Variants in MAST4 observed in about 807,000 individuals in gnomAD.
MAST4 encodes the protein microtubule-associated serine/threonine-protein kinase 4.
Under a neutral mutation model 162.7 loss-of-function variants are expected in MAST4, and 89 were observed. The observed-to-expected ratio is 0.55, with a 90% CI of 0.46 to 0.65. The LOEUF is 0.65. Ranked by LOEUF, MAST4 falls within the 30% of genes least tolerant of loss-of-function variation. The pLI is 0.00. For synonymous variants in MAST4, 1,479 were observed against 1,361.1 expected, an observed-to-expected ratio of 1.09 and a Z score of -1.91; for missense variants, 3,153 against 3,374.0, an observed-to-expected ratio of 0.93 and a Z score of 1.62.
chr5:66,947,328 T>C (rs1032331724), intron 4 of MAST4, among the ~76,000 whole-genome samples: 6 of 152,086 alleles, frequency 3.9e-5, no homozygotes, highest in African/African-American at 1.2e-4. Flanking sequence ...AATAAAGGAA[T>C]ATGGTTTGTT....
At chr5:66,854,888 C>G (rs1759562493) in intron 3 of MAST4, among the ~76,000 whole-genome samples, 4 of 152,054 alleles carry the variant, frequency 2.6e-5, no homozygotes, top group Admixed American at 6.5e-5. Context: ...TTCCTCAGTG[C>G]TCTGGTATAT....
chr5:67,042,369 C>T (rs993804224), intron 4 of MAST4, among the ~76,000 whole-genome samples: 3 of 152,236 alleles, frequency 2.0e-5, no homozygotes, highest in African/African-American at 7.2e-5. Flanking sequence ...GGTAATTCCC[C>T]AGTCCTCCTG....
chr5:66,723,379 G>T (rs1751333458), intron 1 of MAST4, among the ~76,000 whole-genome samples: 1 of 152,080 alleles, frequency 6.6e-6, no homozygotes, highest in Non-Finnish European at 1.5e-5. Flanking sequence ...TAAATGTCAT[G>T]AGAAATAGCC....
intron 3 of MAST4, among the ~76,000 whole-genome samples, chr5:66,849,403 G>C (rs1266665031): frequency 6.6e-6 from 1 of 152,008 alleles, no homozygotes; most frequent in East Asian, 1.9e-4. Context: ...CCCTCCTCCT[G>C]TCTATTCTCC....
chr5:66,667,741 C>A (rs1361209911), intron 1 of MAST4, among the ~76,000 whole-genome samples: 2 of 152,290 alleles, frequency 1.3e-5, no homozygotes, highest in Admixed American at 1.3e-4. Flanking sequence ...ATACGTTAGT[C>A]TATGGAATGT....
intron 4 of MAST4, chr5:66,986,380 T>C: frequency 8.6e-7 from 1 of 1,162,284 alleles, no homozygotes; most frequent in Non-Finnish European, 1.2e-6. Flanking sequence ...TTGCTCTTTA[T>C]TTTAGAAAGA....
intron 3 of MAST4, among the ~76,000 whole-genome samples, chr5:66,879,001 C>T (rs1040952482): frequency 7.9e-5 from 12 of 152,180 alleles, no homozygotes; most frequent in Admixed American, 1.3e-4. Flanking sequence ...TACAATGGGC[C>T]GGGCGTGGTG....
intron 1 of MAST4, among the ~76,000 whole-genome samples, chr5:66,739,355 C>A (rs916608212): frequency 3.3e-5 from 5 of 152,116 alleles, no homozygotes; most frequent in Non-Finnish European, 7.3e-5. Flanking sequence ...CTCTGTATTT[C>A]CTGGGGCAGG....
intron 4 of MAST4, among the ~76,000 whole-genome samples, chr5:66,971,492 C>T (rs116554778): frequency 0.016 from 2,494 of 152,202 alleles, 59 homozygotes; most frequent in African/African-American, 0.057. Flanking sequence ...AGTAAGGATT[C>T]CTCACCCCGT....
At chr5:67,117,123 C>T (rs888355784) in intron 12 of MAST4, among the ~76,000 whole-genome samples, 10 of 152,160 alleles carry the variant, frequency 6.6e-5, no homozygotes, top group African/African-American at 2.4e-4. Flanking sequence ...TAGTGTTTAA[C>T]AGATGTTAGC....
intron 1 of MAST4, among the ~76,000 whole-genome samples, chr5:66,672,500 C>T (rs6869242): frequency 0.31 from 47,427 of 152,030 alleles, 7,764 homozygotes; most frequent in African/African-American, 0.4. Flanking sequence ...TTATTTGCAT[C>T]TTAAAAAGGT....
intron 4 of MAST4, among the ~76,000 whole-genome samples, chr5:67,020,754 G>A (rs1241024487): frequency 6.6e-6 from 1 of 152,150 alleles, no homozygotes; most frequent in East Asian, 1.9e-4. Flanking sequence ...TTTCAGTATG[G>A]AAAATAATCA....
In MAST4 at chr5:66,941,684, G is replaced by A. The variant is rs147797130; in HGVS notation, c.674+41702G>A. Among the ~76,000 whole-genome samples the A allele has an allele frequency of 5.2e-4, 79 of 152,120 alleles. 1 individual carries two copies. In the East Asian group the frequency reaches 0.01, roughly 20 times the overall value. ...ACTTTTCCTTTGCATTTACAACTTC[G>A]CTACCTGTTTGGTGCAGAAGGTCTA... On this transcript the variant is annotated intron_variant, in intron 4 of 28. Coordinates refer to ENST00000403625, the MANE Select transcript of MAST4 (RefSeq NM_001164664.2).
At chr5:66,617,851 G>C (rs1743802126) in intron 1 of MAST4, among the ~76,000 whole-genome samples, 1 of 152,202 alleles carries the variant, frequency 6.6e-6, no homozygotes. Context: ...AAGGGAGAAA[G>C]ACAATGCTCA....
chr5:66,702,320 C>A (rs1215905643), intron 1 of MAST4, among the ~76,000 whole-genome samples: 3 of 152,172 alleles, frequency 2.0e-5, no homozygotes. Context: ...TACGGGCAGG[C>A]TCCATTCCAG....
intron 19 of MAST4, 61 bp from the exon 20 acceptor site, chr5:67,142,054 G>C: frequency 1.3e-6 from 2 of 1,531,932 alleles, no homozygotes; most frequent in Non-Finnish European, 1.8e-6. Context: ...ACTGATGTTT[G>C]CCTTTGCTTA....
At chr5:66,636,258 A>G (rs1414426542) in intron 1 of MAST4, among the ~76,000 whole-genome samples, 2 of 152,008 alleles carry the variant, frequency 1.3e-5, no homozygotes, top group East Asian at 3.9e-4. Flanking sequence ...GCCTGGCCAA[A>G]TATAGACCTT....
Position 66,610,493 on chromosome 5 carries a change from C to CCA in MAST4, c.363+13475_363+13476insCA. 2.0e-5 allele frequency among the ~76,000 whole-genome samples: 3 copies of CCA among 151,862 alleles called. No individual in the cohort carries two copies. The South Asian group carries it at 6.2e-4, about 32-fold the overall frequency. ...GAAAAGCCAAAGGCTGTTTTACACC[C>CCA]GAGAGGTTGAGTGATACCTGGCCCC... On this transcript the variant is annotated intron_variant, in intron 1 of 28. Coordinates refer to ENST00000403625, the MANE Select transcript of MAST4 (RefSeq NM_001164664.2).
chr5:66,637,640 A>T (rs1282948725), intron 1 of MAST4, among the ~76,000 whole-genome samples: 1 of 152,000 alleles, frequency 6.6e-6, no homozygotes, highest in East Asian at 1.9e-4. Flanking sequence ...TAGCTTGAAA[A>T]TTTTATTTTT....
Sources: allele counts gnomAD v4.1 joint callset (sites outside exome capture counted in the v4.1 genomes callset), GRCh38; gene constraint gnomAD v4.1.1; transcripts MANE v1.5; gene names NCBI Gene and HGNC (gene_info 2026-07-23, HGNC 2026-07-21).